The following RBBP8 variants were observed in gnomAD, a reference collection of about 807,000 sequenced individuals.
The protein encoded by RBBP8 is DNA endonuclease RBBP8.
Under a neutral mutation model 108.3 loss-of-function variants are expected in RBBP8, and 88 were observed. The observed-to-expected ratio is 0.81, with a 90% CI of 0.68 to 0.97. The LOEUF is 0.97. Among genes scored for constraint, RBBP8 ranks in the 50% least tolerant of loss-of-function variants. The pLI is 0.00. For synonymous variants in RBBP8, 332 were observed against 348.2 expected (o/e 0.95, Z 0.52); for missense variants, 1,023 against 1,049.0 (o/e 0.98, Z 0.34).
chr18:22,945,009 C>T (rs1256876680), intron 2 of RBBP8, among the ~76,000 whole-genome samples: 1 of 152,112 alleles, frequency 6.6e-6, no homozygotes. Context: ...TGTTTCTATA[C>T]ACATATATGA....
chr18:22,962,546 G>GA (rs1555636481), intron 4 of RBBP8, among the ~76,000 whole-genome samples: 1 of 150,026 alleles, frequency 6.7e-6, no homozygotes, highest in East Asian at 2.0e-4. Context: ...GTATCACCTT[G>GA]TTTTTTTTTC....
intron 12 of RBBP8, among the ~76,000 whole-genome samples, chr18:22,994,265 C>T (rs2045810083): frequency 6.7e-6 from 1 of 149,182 alleles, no homozygotes; most frequent in African/African-American, 2.4e-5. Flanking sequence ...CATCGTGATC[C>T]ACCAGCGTCG....
intron 17 of RBBP8, 52 bp downstream of exon 17, chr18:23,016,976 A>G: frequency 7.9e-7 from 1 of 1,272,384 alleles, no homozygotes; most frequent in African/African-American, 1.5e-5. Context: ...TTTATAGATA[A>G]TAAATGCATG....
chr18:22,943,992 C>A (rs1410258895), intron 2 of RBBP8, among the ~76,000 whole-genome samples: 1 of 152,116 alleles, frequency 6.6e-6, no homozygotes, highest in Non-Finnish European at 1.5e-5. Flanking sequence ...AACACTGTTT[C>A]CTCAATAGGT....
chr18:22,946,633 G>T, intron 3 of RBBP8, 147 bp downstream of exon 3: 1 of 1,173,140 alleles, frequency 8.5e-7, no homozygotes. Context: ...CTTAGTATGG[G>T]CCTTGGTAGT....
chr18:22,995,716 T>TA (rs2045844397), intron 12 of RBBP8, among the ~76,000 whole-genome samples: 1 of 152,230 alleles, frequency 6.6e-6, no homozygotes, highest in South Asian at 2.1e-4. Context: ...TTATCTGTGT[T>TA]ACAGCATATA....
At chr18:23,024,040 A>ATTTT (rs35157427) in intron 18 of RBBP8, among the ~76,000 whole-genome samples, 10 of 102,900 alleles carry the variant, frequency 9.7e-5, no homozygotes, top group Admixed American at 4.9e-4. Context: ...TACCCAGCCT[A>ATTTT]TTTTTTTTTT....
rs34678569 is a variant in RBBP8, at chr18:22,992,898, A to C, written c.1071A>C (p.Lys357Asn). The C allele has an allele frequency of 2.4e-3, 3,940 of 1,613,976 alleles. 62 individuals carry two copies. In the South Asian group the frequency reaches 0.025, roughly 10 times the overall value. The change falls in exon 11 of 19, where the codon AAA (lysine) becomes AAC (asparagine). Residue 357 changes from lysine (K) to asparagine (N), a missense_variant. Lys to Asn is a moderately conservative substitution (Grantham distance 94, BLOSUM62 0). Coordinates refer to ENST00000327155, the MANE Select transcript of RBBP8 (RefSeq NM_002894.3). ...SPSLLQPGKKKHLKTLPFSNT... is the reference protein window; with the variant it reads ...SPSLLQPGKKNHLKTLPFSNT... ...CTCTTTTACAGCCTGGGAAAAAAAAACATCTGAAAACACTCCCTTTTAGCA... is the reference window on the plus strand; with the variant it reads ...CTCTTTTACAGCCTGGGAAAAAAAACCATCTGAAAACACTCCCTTTTAGCA...
intron 4 of RBBP8, among the ~76,000 whole-genome samples, chr18:22,952,423 G>C (rs1912119058): frequency 6.6e-6 from 1 of 152,172 alleles, no homozygotes; most frequent in South Asian, 2.1e-4. Flanking sequence ...TTGAGAAAGA[G>C]AAACTATTAA....
intron 2 of RBBP8, among the ~76,000 whole-genome samples, chr18:22,938,281 G>C (rs559813245): frequency 6.6e-6 from 1 of 152,082 alleles, no homozygotes; most frequent in African/African-American, 2.4e-5. Context: ...ACAGGCGCAC[G>C]CACCATGCCC....
intron 18 of RBBP8, among the ~76,000 whole-genome samples, chr18:23,023,189 C>T (rs1399257119): frequency 6.6e-6 from 1 of 152,026 alleles, no homozygotes; most frequent in Non-Finnish European, 1.5e-5. Flanking sequence ...TGAGCCACTG[C>T]ACCCAGCCAA....
intron 2 of RBBP8, among the ~76,000 whole-genome samples, chr18:22,916,122 C>T (rs188980728): frequency 8.5e-5 from 13 of 152,168 alleles, no homozygotes; most frequent in Admixed American, 2.0e-4. Flanking sequence ...CATACTTCAG[C>T]GCCTAGTCAA....
chr18:23,010,419 C>T (rs2144789158), intron 16 of RBBP8, among the ~76,000 whole-genome samples: 1 of 151,974 alleles, frequency 6.6e-6, no homozygotes, highest in East Asian at 1.9e-4. Context: ...CTGGGCAACA[C>T]AGTGAGACCT....
chr18:22,950,537 C>T (rs1202884527), intron 4 of RBBP8, among the ~76,000 whole-genome samples: 1 of 150,552 alleles, frequency 6.6e-6, no homozygotes, highest in Admixed American at 6.6e-5. Context: ...CACTGCTGCG[C>T]TCCAGCCTGG....
intron 3 of RBBP8, among the ~76,000 whole-genome samples, chr18:22,921,401 C>CTTACACT (rs1758671932): frequency 6.6e-6 from 1 of 152,294 alleles, no homozygotes; most frequent in East Asian, 1.9e-4. Flanking sequence ...TTGCTAATTT[C>CTTACACT]TTACACTTTC....
At chr18:23,024,504 C>T (rs1222449520) in intron 18 of RBBP8, 3 of 152,102 alleles carry the variant, frequency 2.0e-5, no homozygotes, top group Non-Finnish European at 4.4e-5. Context: ...ACTTTTCTGA[C>T]CTCTTTATTA....
At chr18:22,996,663 C>T (rs2045864541) in intron 13 of RBBP8, among the ~76,000 whole-genome samples, 1 of 152,146 alleles carries the variant, frequency 6.6e-6, no homozygotes, top group Non-Finnish European at 1.5e-5. Context: ...TACTTTCTGA[C>T]TTTAAAGGCC....
chr18:22,995,001 C>T (rs2045828834), intron 12 of RBBP8, among the ~76,000 whole-genome samples: 1 of 152,000 alleles, frequency 6.6e-6, no homozygotes, highest in Non-Finnish European at 1.5e-5. Context: ...GCTGGGATTA[C>T]AGGTGTGAAC....
At chr18:22,920,772 G>C (rs897494230) in intron 3 of RBBP8, 3 of 152,120 alleles carry the variant, frequency 2.0e-5, no homozygotes, top group African/African-American at 4.8e-5. Context: ...CTGGAGGAAT[G>C]CCTATTAAAA....
Sources: gnomAD v4.1 joint callset for allele counts (sites outside exome capture counted in the v4.1 genomes callset) on GRCh38, gnomAD v4.1.1 for gene constraint, MANE v1.5 for transcripts, NCBI Gene and HGNC (gene_info 2026-07-23, HGNC 2026-07-21) for gene names.